The following BBS4 variants were observed in gnomAD, a reference collection of about 807,000 sequenced individuals.
BBS4 encodes Bardet-Biedl syndrome 4.
BBS4 carries 58 observed loss-of-function variants against 71.4 expected under a neutral mutation model. The ratio of observed to expected loss-of-function variants is 0.81; its 90% CI spans 0.66 to 1.01. The LOEUF is 1.01. BBS4 is among the 50% of genes least tolerant of loss of function. BBS4 has a pLI of 0.00. For synonymous variants in BBS4, 228 were observed against 216.8 expected (o/e 1.05, Z -0.46); for missense variants, 660 against 607.9 (o/e 1.09, Z -0.90).
chr15:72,686,775 C>G, intron 1 of BBS4: 1 of 355,846 alleles, frequency 2.8e-6, no homozygotes, highest in South Asian at 2.2e-5. Flanking sequence ...TAGAGGAACC[C>G]GATGAATTCA....
intron 7 of BBS4, among the ~76,000 whole-genome samples, chr15:72,723,562 C>G: frequency 6.6e-6 from 1 of 152,160 alleles, no homozygotes; most frequent in East Asian, 1.9e-4. Flanking sequence ...GACTGAGAAT[C>G]TGAATTGGTT....
chr15:72,686,277 G>T (rs777667167), intron 1 of BBS4, 26 bp downstream of exon 1: 3 of 1,560,962 alleles, frequency 1.9e-6, no homozygotes, highest in East Asian at 2.4e-5. Flanking sequence ...CTCTTTAGTT[G>T]CCCGGCCGCA....
intron 10 of BBS4, among the ~76,000 whole-genome samples, chr15:72,731,062 T>C (rs966181247): frequency 7.5e-6 from 1 of 133,560 alleles, no homozygotes; most frequent in Non-Finnish European, 1.6e-5. Flanking sequence ...AGTAACATTT[T>C]ATCTTTTTTT....
Position 72,737,544 on chromosome 15 carries a change from A to T in BBS4, c.1517A>T (p.Glu506Val), listed in dbSNP as rs1278438729. 3 of 1,612,568 alleles carry T rather than the reference A, an allele frequency of 1.9e-6. No individual in the cohort carries two copies. The East Asian group carries it at 6.7e-5, about 36-fold the overall frequency. ...CCTCTGGAGCCAGAGCCTGCGGTGGAATCAAGTCCAACTGAAACATCAGAA... is the reference window on the plus strand; with the variant it reads ...CCTCTGGAGCCAGAGCCTGCGGTGGTATCAAGTCCAACTGAAACATCAGAA... ...SLPLEPEPAVESSPTETSEQI... is the reference protein window; with the variant it reads ...SLPLEPEPAVVSSPTETSEQI... Residue 506 changes from glutamate (E) to valine (V), a missense_variant, in exon 16 of 16, where the codon GAA becomes GTA. Coordinates refer to ENST00000268057, the MANE Select transcript of BBS4 (RefSeq NM_033028.5).
chr15:72,731,593 C>T lies in BBS4; in HGVS notation c.903C>T (p.Pro301=). The change falls in exon 12 of 16, where the codon CCC becomes CCT. Residue 301 remains proline (P), a synonymous_variant. Coordinates refer to ENST00000268057, the MANE Select transcript of BBS4 (RefSeq NM_033028.5). ...TGAAACGAGCCAACTACTTGGCACC[C>T]TTTGATTGGAAGATTCTGTATAATT... ...SCLKRANYLA[P]FDWKILYNLG... is the part of the protein sequence containing the mutation. The T allele has an allele frequency of 1.2e-6, 2 of 1,614,152 alleles. No individual in the cohort carries two copies. The highest frequency in any genetic ancestry group is 2.2e-5 in the East Asian group (1 of 44,884).
At chr15:72,707,896 T>C (rs549440695) in intron 2 of BBS4, among the ~76,000 whole-genome samples, 109 of 152,378 alleles carry the variant, frequency 7.2e-4, no homozygotes, top group Non-Finnish European at 1.2e-3. Flanking sequence ...CAGCATAATG[T>C]TCTCATTTGA....
intron 1 of BBS4, among the ~76,000 whole-genome samples, chr15:72,693,889 TTC>T (rs1259832569): frequency 3.3e-5 from 5 of 152,204 alleles, no homozygotes; most frequent in African/African-American, 1.2e-4. Context: ...CTTTTTCTTC[TTC>T]TTTTTTTTTT....
intron 1 of BBS4, among the ~76,000 whole-genome samples, chr15:72,689,913 C>A (rs2064953530): frequency 6.6e-6 from 1 of 152,086 alleles, no homozygotes; most frequent in African/African-American, 2.4e-5. Context: ...CGGGTTCACG[C>A]CATTCTCCAG....
rs1278027979 is a variant in BBS4, at chr15:72,715,285, T to G, written c.221-6T>G. On this transcript the variant is annotated splice_region_variant and splice_polypyrimidine_tract_variant and intron_variant, in intron 4 of 15. Transcript: ENST00000268057. The stretch of plus-strand genomic sequence containing the variant: ...ACTTTTTTTTGTATTTTCTGTTTCT[T>G]GGCAGCATTGATATTTCGCCTAGAA... 1 of 1,600,548 alleles carries G rather than the reference T, an allele frequency of 6.2e-7. No homozygotes were observed. The highest frequency in any genetic ancestry group is 8.6e-7 in the Non-Finnish European group (1 of 1,168,222).
intron 10 of BBS4, 61 bp from the exon 11 acceptor site, chr15:72,731,244 T>C: frequency 6.2e-7 from 1 of 1,609,380 alleles, no homozygotes; most frequent in Non-Finnish European, 8.5e-7. Context: ...TCAGGAAAGC[T>C]GCCCCACTGC....
chr15:72,737,406 C>CT lies in BBS4; in HGVS notation c.1451-71dup, dbSNP rs141113435. On this transcript the variant is annotated intron_variant, in intron 15 of 15. Transcript: ENST00000268057. ...AAAATATGGGGTTTCCTCTTGAACT[C>CT]TAACAGCAAAAAAGAATGATTTCTT... The CT allele has an allele frequency of 7.2e-4, 978 of 1,363,176 alleles. 8 individuals carry two copies. In the African/African-American group the frequency reaches 0.013, roughly 18 times the overall value. The allele number at this position is 1,363,176 out of a possible 1,614,324, so 84.4% of individuals were successfully genotyped here.
chr15:72,713,585 G>A (rs189348323), intron 4 of BBS4, among the ~76,000 whole-genome samples: 46 of 152,100 alleles, frequency 3.0e-4, no homozygotes, highest in Non-Finnish European at 3.1e-4. Flanking sequence ...AATGTATAGC[G>A]TAGTAAATAC....
intron 3 of BBS4, among the ~76,000 whole-genome samples, chr15:72,711,511 T>C (rs944181226): frequency 2.0e-5 from 3 of 152,224 alleles, no homozygotes; most frequent in African/African-American, 7.2e-5. Flanking sequence ...GGAAATCTTA[T>C]CACACTTTTC....
At position 72,737,570 on chromosome 15, in the gene BBS4, C is replaced by A; in HGVS notation, c.1543C>A (p.Gln515Lys). 1 of 1,608,382 alleles carries A rather than the reference C, an allele frequency of 6.2e-7. No individual in the cohort carries two copies. The highest frequency in any genetic ancestry group is 8.5e-7 in the Non-Finnish European group (1 of 1,177,246). Residue 515 changes from glutamine to lysine, a missense_variant, in exon 16 of 16, where the codon CAA becomes AAA. By Grantham distance (53) the Gln-to-Lys change is moderately conservative. Transcript: ENST00000268057. Reference protein sequence around the residue: ...VESSPTETSEQIREK With the variant: ...VESSPTETSEKIREK ...ATCAAGTCCAACTGAAACATCAGAA[C>A]AAATAAGAGAGAAATAAGAATAGAA...
chr15:72,733,497 C>T (rs527409946), intron 12 of BBS4, among the ~76,000 whole-genome samples: 1 of 152,080 alleles, frequency 6.6e-6, no homozygotes, highest in Non-Finnish European at 1.5e-5. Flanking sequence ...GTGTTCTCAT[C>T]ATTTAGCTCT....
intron 11 of BBS4, 45 bp from the exon 12 acceptor site, chr15:72,731,510 C>T (rs373849462): frequency 5.0e-6 from 8 of 1,614,188 alleles, no homozygotes; most frequent in Middle Eastern, 1.6e-4. Flanking sequence ...GTTATTGGGT[C>T]TGTTTAGCTT....
At chr15:72,715,475 T>G in intron 5 of BBS4, 73 bp downstream of exon 5, 1 of 1,048,300 alleles carries the variant, frequency 9.5e-7, no homozygotes. Context: ...AGGTCCAGCC[T>G]GCTGCTGGCA....
chr15:72,733,419 A>T (rs1485013228), intron 12 of BBS4, among the ~76,000 whole-genome samples: 1 of 151,950 alleles, frequency 6.6e-6, no homozygotes, highest in Non-Finnish European at 1.5e-5. Flanking sequence ...AGTACCCAAT[A>T]GTTATTTTTT....
Position 72,712,261 on chromosome 15 carries a change from G to A in BBS4, c.174G>A (p.Gln58=). Residue 58 remains glutamine, a synonymous_variant, in exon 4 of 16, where the codon CAG becomes CAA. Coordinates refer to ENST00000268057, the MANE Select transcript of BBS4 (RefSeq NM_033028.5). ...YEACKAVIKE[Q]LQETQGLCEY... is the part of the protein sequence containing the mutation. ...TCTTTCAGGCTGTTATCAAAGAACA[G>A]CTTCAAGAGACTCAGGGATTGTGTG... 3 of 1,614,050 alleles carry A rather than the reference G, an allele frequency of 1.9e-6. No individual in the cohort carries two copies. The highest frequency in any genetic ancestry group is 1.3e-5 in the African/African-American group (1 of 75,044).
Sources: gnomAD v4.1 joint callset for allele counts (sites outside exome capture counted in the v4.1 genomes callset) on GRCh38, gnomAD v4.1.1 for gene constraint, MANE v1.5 for transcripts, NCBI Gene and HGNC (gene_info 2026-07-23, HGNC 2026-07-21) for gene names.